Variants in ZNF385C observed in about 807,000 individuals in gnomAD.
ZNF385C encodes the protein CTD-2132N18.2.
ZNF385C carries 28 observed loss-of-function variants against 35.4 expected under a neutral mutation model. The ratio of observed to expected loss-of-function variants is 0.79; its 90% CI spans 0.59 to 1.08. The LOEUF (loss-of-function observed/expected upper bound fraction) is 1.08. Ranked by LOEUF, ZNF385C falls within the 50% of genes least tolerant of loss-of-function variation. The pLI, the probability that ZNF385C is intolerant of heterozygous loss-of-function variation, is 0.00. For synonymous variants in ZNF385C, 248 were observed against 248.2 expected (o/e 1.00, Z 0.01); for missense variants, 605 against 595.6 (o/e 1.02, Z -0.16).
chr17:42,085,417 C>T lies in ZNF385C; in HGVS notation c.-3+12993G>A, dbSNP rs554295844. Reference sequence around the variant, plus strand: ...CTGAGCAGCTGGGACTACAAGTGTGCGCCACCACGTCCGGCTAATTTTTTT... The same window carrying T: ...CTGAGCAGCTGGGACTACAAGTGTGTGCCACCACGTCCGGCTAATTTTTTT... On this transcript the variant is annotated intron_variant, in intron 1 of 8. Coordinates refer to ENST00000692273, the MANE Select transcript of ZNF385C (RefSeq NM_001392013.1). Among the ~76,000 whole-genome samples, 15 of 151,042 alleles carry T rather than the reference C, an allele frequency of 9.9e-5. 1 individual carries two copies. The East Asian group carries it at 1.2e-3, about 12-fold the overall frequency.
At chr17:42,031,916 C>CT in intron 4 of ZNF385C, 132 bp from the exon 5 acceptor site, 11 of 986,546 alleles carry the variant, frequency 1.1e-5, no homozygotes, top group Non-Finnish European at 1.5e-5. Flanking sequence ...AGTCCTTGTC[C>CT]TTGTCATCAT....
At chr17:42,040,253 A>G (rs1054210468) in intron 2 of ZNF385C, 28 of 1,231,468 alleles carry the variant, frequency 2.3e-5, no homozygotes, top group African/African-American at 4.7e-5. Flanking sequence ...GAGTCCAGGA[A>G]GGATCCCCGG....
intron 2 of ZNF385C, among the ~76,000 whole-genome samples, chr17:42,060,435 G>A (rs879983190): frequency 2.6e-5 from 4 of 152,090 alleles, no homozygotes; most frequent in South Asian, 2.1e-4. Context: ...GGTGGCTCCC[G>A]CTGTCCTCTC....
rs1555658122 is a variant in ZNF385C at position 42,062,920 on chromosome 17, T to G, written c.137A>C (p.Asp46Ala). ...ERKRPSYTLC[D>A]VCNIQLNSAA... ...CGAGTTCAGCTGGATGTTGCAGACATCACAGAGCGTGTACGATGGCCGCTT... is the reference window on the plus strand; with the variant it reads ...CGAGTTCAGCTGGATGTTGCAGACAGCACAGAGCGTGTACGATGGCCGCTT... The change falls in exon 2 of 9, where the codon GAT becomes GCT. Residue 46 changes from aspartate to alanine, a missense_variant. Coordinates refer to ENST00000692273, the MANE Select transcript of ZNF385C (RefSeq NM_001392013.1). 1 of 694,746 alleles carries G rather than the reference T, an allele frequency of 1.4e-6. No individual in the cohort carries two copies. The highest frequency in any genetic ancestry group is 2.7e-5 in the East Asian group (1 of 36,586). 43.0% of individuals were successfully genotyped at this position (694,746 alleles called of 1,614,324 possible). A position where few individuals can be genotyped will look rare whatever the true frequency, so the allele number is the denominator to read the frequency against.
At chr17:42,027,161 A>G in intron 8 of ZNF385C, 28 bp from the exon 9 acceptor site, 1 of 1,602,982 alleles carries the variant, frequency 6.2e-7, no homozygotes, top group Non-Finnish European at 8.5e-7. Context: ...GAATGGACAC[A>G]GTCTCCACCC....
intron 1 of ZNF385C, among the ~76,000 whole-genome samples, chr17:42,087,199 C>G (rs573209321): frequency 2.0e-5 from 3 of 151,884 alleles, no homozygotes; most frequent in South Asian, 4.1e-4. Flanking sequence ...GGGTTAAGTA[C>G]AAAAAAAGAC....
chr17:42,092,922 C>CGGGGGGG (rs2053877572), intron 1 of ZNF385C, among the ~76,000 whole-genome samples: 3 of 92,238 alleles, frequency 3.3e-5, no homozygotes, highest in Non-Finnish European at 4.7e-5. Flanking sequence ...GAGCGGGGGG[C>CGGGGGGG]GGGGGTCCGG....
At chr17:42,092,003 G>C (rs1346304142) in intron 1 of ZNF385C, among the ~76,000 whole-genome samples, 1 of 152,186 alleles carries the variant, frequency 6.6e-6, no homozygotes, top group Admixed American at 6.5e-5. Flanking sequence ...AAGGAGCCCT[G>C]GCTGTGAGGG....
At chr17:42,064,068 G>GCACA (rs1197685074) in intron 1 of ZNF385C, among the ~76,000 whole-genome samples, 14 of 59,568 alleles carry the variant, frequency 2.4e-4, no homozygotes, top group East Asian at 2.0e-3. Flanking sequence ...GCGCGCACAC[G>GCACA]CACATACACA....
intron 4 of ZNF385C, 72 bp downstream of exon 4, chr17:42,034,145 GAAGGACTC>G: frequency 8.7e-7 from 1 of 1,147,384 alleles, no homozygotes; most frequent in Non-Finnish European, 1.3e-6. Context: ...ATTCCTCCCA[GAAGGACTC>G]TGAAAGCCCA....
At chr17:42,083,154 T>A (rs1212345155) in intron 1 of ZNF385C, among the ~76,000 whole-genome samples, 5 of 152,142 alleles carry the variant, frequency 3.3e-5, no homozygotes, top group African/African-American at 1.2e-4. Flanking sequence ...CTGTTCATTT[T>A]TGCTTGCCAG....
chr17:42,073,063 C>G (rs543451308), intron 1 of ZNF385C, among the ~76,000 whole-genome samples: 3 of 152,266 alleles, frequency 2.0e-5, no homozygotes, highest in Admixed American at 2.0e-4. Context: ...CTGCTGGGTG[C>G]CAGGGGGATC....
In ZNF385C at chr17:42,028,984, C is replaced by A; in HGVS notation, c.766G>T (p.Asp256Tyr). Reference sequence around the variant, plus strand: ...GAAGAAGAGGATGAGGAGGCAGCATCCAAGAGCTCTGAGTGGGCTGGCTCC... The same window carrying A: ...GAAGAAGAGGATGAGGAGGCAGCATACAAGAGCTCTGAGTGGGCTGGCTCC... ...CREPAHSELL[D>Y]AASSSSSSSC... Residue 256 changes from aspartate (D) to tyrosine (Y), a missense_variant, in exon 6 of 9, where the codon GAT becomes TAT. By Grantham distance (160) the Asp-to-Tyr change is radical. Transcript: ENST00000692273. 3.2e-6 allele frequency: 5 copies of A among 1,550,546 alleles called. No individual in the cohort carries two copies. Among genetic ancestry groups the A allele is most frequent in the Non-Finnish European group, 4.4e-6 (5 of 1,147,002 alleles).
At chr17:42,028,623 T>TG in intron 6 of ZNF385C, 160 bp downstream of exon 6, 1 of 909,740 alleles carries the variant, frequency 1.1e-6, no homozygotes, top group African/African-American at 1.7e-5. Flanking sequence ...CAAGGAGTAA[T>TG]GGGAGGACCC....
In ZNF385C at chr17:42,028,093, G is replaced by A. The variant is rs1555654512; in HGVS notation, c.1121C>T (p.Ala374Val). 1.2e-6 allele frequency: 2 copies of A among 1,613,870 alleles called. No individual in the cohort carries two copies. The highest frequency in any genetic ancestry group is 1.7e-6 in the Non-Finnish European group (2 of 1,179,928). Residue 374 changes from alanine (A) to valine (V), a missense_variant, in exon 7 of 9, where the codon GCT becomes GTT. Physicochemically the swap from Ala to Val is moderately conservative, Grantham distance 64 (BLOSUM62 0). Coordinates refer to ENST00000692273, the MANE Select transcript of ZNF385C (RefSeq NM_001392013.1). ...RQGPSPAFHC[A>V]LCQLQVNSET... ...TGAATTGACCTGGAGCTGACAGAGA[G>A]CACAGTGGAAGGCAGGGCTGGGCCC...
chr17:42,076,237 T>G (rs1246479081), intron 1 of ZNF385C, among the ~76,000 whole-genome samples: 7 of 152,210 alleles, frequency 4.6e-5, no homozygotes, highest in Non-Finnish European at 8.8e-5. Flanking sequence ...GCCTTCTGTG[T>G]GCCAGATCCT....
intron 3 of ZNF385C, among the ~76,000 whole-genome samples, chr17:42,035,977 T>G (rs2052848158): frequency 1.3e-5 from 2 of 151,674 alleles, no homozygotes; most frequent in Admixed American, 1.3e-4. Flanking sequence ...TTTGGAATAT[T>G]AATTTGGATT....
chr17:42,084,224 T>A (rs1290968318), intron 1 of ZNF385C, among the ~76,000 whole-genome samples: 4 of 150,844 alleles, frequency 2.7e-5, no homozygotes, highest in Admixed American at 2.6e-4. Context: ...ATGCCTGTAG[T>A]CCAACCTATG....
rs2053909933 is a variant in ZNF385C at position 42,095,616 on chromosome 17, A to T, written c.-3+2794T>A. 6.6e-6 allele frequency among the ~76,000 whole-genome samples: 1 copy of T among 152,140 alleles called. No homozygotes were observed. The highest frequency in any genetic ancestry group is 1.5e-5 in the Non-Finnish European group (1 of 68,030). ...GCCCTTCCCTCTCAAGCATCACAGG[A>T]CATTAAAAAAAAAATTGTCCCAGTT... is the stretch of plus-strand genomic sequence containing the variant. On this transcript the variant is annotated intron_variant, in intron 1 of 8. Coordinates refer to ENST00000692273, the MANE Select transcript of ZNF385C (RefSeq NM_001392013.1). The surrounding 1 kb of genome is among the most constrained non-coding windows in gnomAD (Gnocchi z 4.4).
Sources: gnomAD v4.1 joint callset for allele counts (sites outside exome capture counted in the v4.1 genomes callset) on GRCh38, gnomAD v4.1.1 for gene constraint, Gnocchi (gnomAD v3.1) non-coding constraint, MANE v1.5 for transcripts, NCBI Gene and HGNC (gene_info 2026-07-23, HGNC 2026-07-21) for gene names.